Variants in SLC9C2 observed in about 807,000 individuals in gnomAD.
SLC9C2 encodes sodium/hydrogen exchanger 11.
SLC9C2 carries 75 observed loss-of-function variants against 140.2 expected under a neutral mutation model. The ratio of observed to expected loss-of-function variants is 0.53; its 90% CI spans 0.44 to 0.65. The LOEUF is 0.65. SLC9C2 is among the 30% of genes least tolerant of loss of function. The probability of loss-of-function intolerance (pLI) is 0.00; values close to 1 mark genes in which losing one functional copy is unlikely to be tolerated. For synonymous variants in SLC9C2, 375 were observed against 420.9 expected (o/e 0.89, Z 1.34); for missense variants, 1,074 against 1,331.8 (o/e 0.81, Z 3.01).
At chr1:173,560,264 G>A (rs1000836452) in intron 9 of SLC9C2, among the ~76,000 whole-genome samples, 2 of 152,322 alleles carry the variant, frequency 1.3e-5, no homozygotes, top group Non-Finnish European at 2.9e-5. Context: ...TCCTTTTATA[G>A]TGGATATTGT....
rs1553251461 is a variant in SLC9C2 at position 173,536,937 on chromosome 1, C to T, written c.1655+5G>A. 1 of 1,602,518 alleles carries T rather than the reference C, an allele frequency of 6.2e-7. No homozygotes were observed. Among genetic ancestry groups the T allele is most frequent in the Non-Finnish European group, 8.5e-7 (1 of 1,170,546 alleles). ...AAATATCAATTAAAGAAGTGTTATA[C>T]TTACTTTCCTTGGATGGAGTAATAG... On this transcript the variant is annotated splice_donor_5th_base_variant and intron_variant, in intron 14 of 27. Transcript: ENST00000367714.
chr1:173,521,512 A>ATGTG (rs532466160), intron 21 of SLC9C2, 113 bp from the exon 22 acceptor site: 50 of 270,008 alleles, frequency 1.9e-4, no homozygotes, highest in African/African-American at 1.0e-3. Context: ...TTTATTATAT[A>ATGTG]TGTGTGTGTG....
intron 11 of SLC9C2, 55 bp from the exon 12 acceptor site, chr1:173,548,607 G>A: frequency 8.2e-6 from 13 of 1,589,738 alleles, no homozygotes; most frequent in Admixed American, 5.2e-5. Flanking sequence ...GACTGCAAGG[G>A]AAAGCAAAAA....
intron 27 of SLC9C2, among the ~76,000 whole-genome samples, chr1:173,502,377 C>T (rs1659345609): frequency 6.6e-6 from 1 of 151,548 alleles, no homozygotes; most frequent in Admixed American, 6.6e-5. Context: ...ACCATCACTG[C>T]TACCTGGCCC....
At chr1:173,601,551 G>A (rs1666785253) in intron 2 of SLC9C2, 99 bp downstream of exon 2, 2 of 1,340,352 alleles carry the variant, frequency 1.5e-6, no homozygotes, top group Admixed American at 2.2e-5. Context: ...TCGTTTCAAT[G>A]GGCCCCTTCT....
chr1:173,562,919 A>G (rs1206253434), intron 9 of SLC9C2, among the ~76,000 whole-genome samples: 1 of 152,110 alleles, frequency 6.6e-6, no homozygotes, highest in Non-Finnish European at 1.5e-5. Context: ...CATTAACTAT[A>G]CAAGTAAGTA....
At chr1:173,501,184 T>C (rs1160824623) in intron 27 of SLC9C2, 87 bp from the exon 28 acceptor site, 7 of 1,325,716 alleles carry the variant, frequency 5.3e-6, no homozygotes, top group East Asian at 2.6e-5. Context: ...AGAAAACTTA[T>C]GTAGGCATTT....
chr1:173,550,420 T>TTTTATTTATTTATTTA (rs754602433), intron 11 of SLC9C2, among the ~76,000 whole-genome samples: 173 of 143,448 alleles, frequency 1.2e-3, no homozygotes, highest in African/African-American at 4.4e-3. Flanking sequence ...TATTTTTTTA[T>TTTTATTTATTTATTTA]TTTATTTATT....
At chr1:173,536,122 T>C (rs1432978683) in intron 14 of SLC9C2, among the ~76,000 whole-genome samples, 173 bp from the exon 15 acceptor site, 1 of 152,050 alleles carries the variant, frequency 6.6e-6, no homozygotes, top group African/African-American at 2.4e-5. Flanking sequence ...GGTACAGGAG[T>C]AGTTTTAGCA....
chr1:173,504,986 A>G (rs1017115809), intron 26 of SLC9C2, among the ~76,000 whole-genome samples: 18 of 152,178 alleles, frequency 1.2e-4, no homozygotes, highest in African/African-American at 4.1e-4. Context: ...AACAGAGTGC[A>G]TTGCAGAAGC....
In SLC9C2 at chr1:173,516,603, T is replaced by C. The variant is rs144074906; in HGVS notation, c.2907+934A>G. ...TCCTGCATTAATTTACTAAAGATAA[T>C]GGCCTCCAGCTCCATCCATAGTTCC... On this transcript the variant is annotated intron_variant, in intron 23 of 27. Coordinates refer to ENST00000367714, the MANE Select transcript of SLC9C2 (RefSeq NM_178527.4). 9.4e-3 allele frequency among the ~76,000 whole-genome samples: 1,426 copies of C among 152,298 alleles called. 10 individuals are homozygous for C. Among genetic ancestry groups the C allele is most frequent in the Non-Finnish European group, 0.014 (971 of 68,020 alleles).
intron 11 of SLC9C2, among the ~76,000 whole-genome samples, chr1:173,554,054 T>C (rs1663501485): frequency 6.6e-6 from 1 of 152,234 alleles, no homozygotes; most frequent in Non-Finnish European, 1.5e-5. Context: ...TATTTATGCA[T>C]TTTATTATAA....
chr1:173,541,094 C>T (rs1662364062), intron 13 of SLC9C2, among the ~76,000 whole-genome samples: 1 of 152,014 alleles, frequency 6.6e-6, no homozygotes, highest in Admixed American at 6.6e-5. Flanking sequence ...CATCAGTGTG[C>T]TGTACTCAGG....
At chr1:173,599,764 T>C (rs1221747390) in intron 3 of SLC9C2, among the ~76,000 whole-genome samples, 4 of 151,994 alleles carry the variant, frequency 2.6e-5, no homozygotes, top group African/African-American at 9.7e-5. Flanking sequence ...CCACCCCTCC[T>C]AGCTAATTTT....
At chr1:173,555,430 G>A (rs1663607061) in intron 10 of SLC9C2, 1 of 152,226 alleles carries the variant, frequency 6.6e-6, no homozygotes, top group Admixed American at 6.5e-5. Context: ...GGAGTTAATA[G>A]TAATTTCTCC....
intron 11 of SLC9C2, among the ~76,000 whole-genome samples, chr1:173,552,791 C>A (rs1369403596): frequency 6.6e-6 from 1 of 152,192 alleles, no homozygotes; most frequent in African/African-American, 2.4e-5. Flanking sequence ...TGTTTCCCTG[C>A]CTGCCAGCAC....
chr1:173,536,415 C>A (rs1020705402), intron 14 of SLC9C2, among the ~76,000 whole-genome samples: 1 of 152,090 alleles, frequency 6.6e-6, no homozygotes, highest in Non-Finnish European at 1.5e-5. Context: ...CTAATGTTTG[C>A]CAGGACTGTA....
intron 7 of SLC9C2, among the ~76,000 whole-genome samples, chr1:173,577,627 T>C (rs1665258834): frequency 6.6e-6 from 1 of 152,126 alleles, no homozygotes; most frequent in East Asian, 1.9e-4. Flanking sequence ...CTCACCTTCC[T>C]CCATTAGTGG....
chr1:173,543,121 C>T (rs957385541), intron 13 of SLC9C2, among the ~76,000 whole-genome samples: 2 of 152,154 alleles, frequency 1.3e-5, no homozygotes, highest in African/African-American at 2.4e-5. Context: ...CATTGTCTCA[C>T]CCCAAATCTC....
Sources: allele counts gnomAD v4.1 joint callset (sites outside exome capture counted in the v4.1 genomes callset), GRCh38; gene constraint gnomAD v4.1.1; transcripts MANE v1.5; gene names NCBI Gene and HGNC (gene_info 2026-07-23, HGNC 2026-07-21).